Variants in MC2R observed in about 807,000 individuals in gnomAD.
MC2R encodes melanocortin 2 receptor.
In MC2R, 9 loss-of-function variants were observed where a neutral mutation model predicts 9.8. That is an observed-to-expected ratio of 0.92 (90% confidence interval 0.55 to 1.60). The LOEUF (loss-of-function observed/expected upper bound fraction) is 1.60, where lower values mean the gene tolerates loss of function less well. MC2R is among the 40% of genes most tolerant of loss of function. The pLI, the probability that MC2R is intolerant of heterozygous loss-of-function variation, is 0.00. For missense variants in MC2R, 370 were observed against 389.0 expected, an observed-to-expected ratio of 0.95 and a Z score of 0.41; for synonymous variants, 185 against 154.7, an observed-to-expected ratio of 1.20 and a Z score of -1.45.
chr18:13,908,706 T>TTGTGTGTGTGTG (rs57512236), intron 1 of MC2R, among the ~76,000 whole-genome samples: 1 of 142,676 alleles, frequency 7.0e-6, no homozygotes, highest in South Asian at 2.2e-4. Context: ...CAGGAGCTTC[T>TTGTGTGTGTGTG]TGTGTGTGTG....
intron 1 of MC2R, among the ~76,000 whole-genome samples, chr18:13,893,817 C>T (rs2149138049): frequency 6.6e-6 from 1 of 152,274 alleles, no homozygotes; most frequent in Admixed American, 6.5e-5. Flanking sequence ...CGTGGAGAGG[C>T]TGAGTCTGCA....
rs576956670 is a variant in MC2R, at chr18:13,900,044, A to C, written c.-128-14398T>G. 3.3e-5 allele frequency among the ~76,000 whole-genome samples: 5 copies of C among 152,286 alleles called. No individual in the cohort carries two copies. The East Asian group carries it at 9.6e-4, about 29-fold the overall frequency. Reference sequence around the variant, plus strand: ...GCAATCAATAAAATATAATAACTACAACAAATTTTCAAGATATGGACAGTA... The same window carrying C: ...GCAATCAATAAAATATAATAACTACCACAAATTTTCAAGATATGGACAGTA... On this transcript the variant is annotated intron_variant, in intron 1 of 1. Coordinates refer to ENST00000327606, the MANE Select transcript of MC2R (RefSeq NM_000529.2).
At chr18:13,898,646 C>T (rs1286513346) in intron 1 of MC2R, among the ~76,000 whole-genome samples, 2 of 152,230 alleles carry the variant, frequency 1.3e-5, no homozygotes, top group South Asian at 2.1e-4. Flanking sequence ...CGTCACTCCA[C>T]CCCCAGATTT....
intron 1 of MC2R, among the ~76,000 whole-genome samples, chr18:13,913,507 G>A (rs12456757): frequency 0.52 from 79,652 of 152,006 alleles, 22,054 homozygotes; most frequent in African/African-American, 0.71. Context: ...CTTGGCACAC[G>A]CATATTTTGA....
intron 1 of MC2R, among the ~76,000 whole-genome samples, chr18:13,892,843 CACACCA>C (rs1469665203): frequency 6.5e-5 from 9 of 139,158 alleles, no homozygotes; most frequent in South Asian, 2.4e-4. Flanking sequence ...CACACACACA[CACACCA>C]CACACACACA....
intron 1 of MC2R, among the ~76,000 whole-genome samples, chr18:13,889,787 G>T (rs376857784): frequency 6.6e-6 from 1 of 152,164 alleles, no homozygotes; most frequent in African/African-American, 2.4e-5. Flanking sequence ...AGCTGGTCTT[G>T]TGTCCTGTGC....
chr18:13,891,191 T>A (rs1401473239), intron 1 of MC2R, among the ~76,000 whole-genome samples: 3 of 152,178 alleles, frequency 2.0e-5, no homozygotes. Flanking sequence ...ATATTGTATA[T>A]CATGTCTGTA....
intron 1 of MC2R, among the ~76,000 whole-genome samples, chr18:13,904,218 C>CAA (rs71174201): frequency 2.0e-3 from 289 of 144,338 alleles, no homozygotes; most frequent in South Asian, 3.3e-3. Flanking sequence ...ACTAAAAATA[C>CAA]AAAAAAAAAA....
At chr18:13,906,646 C>A (rs995101326) in intron 1 of MC2R, among the ~76,000 whole-genome samples, 27 of 152,174 alleles carry the variant, frequency 1.8e-4, no homozygotes, top group African/African-American at 6.3e-4. Flanking sequence ...TTAGACTCCA[C>A]CAGAAAACTG....
In MC2R at chr18:13,885,499, G is replaced by C; in HGVS notation, c.20C>G (p.Ser7Trp). The C allele has an allele frequency of 6.2e-7, 1 of 1,614,134 alleles. No homozygotes were observed. Among genetic ancestry groups the C allele is most frequent in the Non-Finnish European group, 8.5e-7 (1 of 1,180,038 alleles). ...TGCTGTGTTGTTGATGTTTTCATACGAGTTGATAATGTGCTTCATTTCTCC... is the reference window on the plus strand; with the variant it reads ...TGCTGTGTTGTTGATGTTTTCATACCAGTTGATAATGTGCTTCATTTCTCC... MKHIIN[S>W]YENINNTARN... Residue 7 changes from serine to tryptophan, a missense_variant, in exon 2 of 2, where the codon TCG becomes TGG. Ser to Trp is a radical substitution (Grantham distance 177). Transcript: ENST00000327606.
intron 1 of MC2R, among the ~76,000 whole-genome samples, chr18:13,912,872 G>A (rs935705266): frequency 5.9e-5 from 9 of 152,044 alleles, no homozygotes; most frequent in African/African-American, 1.9e-4. Flanking sequence ...TTTGAATTCC[G>A]CATAGGCTCA....
intron 1 of MC2R, among the ~76,000 whole-genome samples, chr18:13,911,343 T>C (rs1267571330): frequency 6.6e-6 from 1 of 152,204 alleles, no homozygotes; most frequent in Non-Finnish European, 1.5e-5. Context: ...AATTCTTCCC[T>C]GCACAGTCCC....
chr18:13,908,706 T>TTTGTGTG (rs374040158), intron 1 of MC2R, among the ~76,000 whole-genome samples: 22,219 of 142,602 alleles, frequency 0.16, 1,968 homozygotes, highest in Middle Eastern at 0.28. Context: ...CAGGAGCTTC[T>TTTGTGTG]TGTGTGTGTG....
At chr18:13,903,419 T>C (rs1333825265) in intron 1 of MC2R, among the ~76,000 whole-genome samples, 2 of 152,202 alleles carry the variant, frequency 1.3e-5, no homozygotes, top group Admixed American at 6.5e-5. Context: ...CTGTTTACAA[T>C]AGCTAAGATT....
chr18:13,898,357 C>A (rs1228919250), intron 1 of MC2R, among the ~76,000 whole-genome samples: 1 of 152,174 alleles, frequency 6.6e-6, no homozygotes, highest in African/African-American at 2.4e-5. Context: ...CAGCCACAGA[C>A]AATAGAACAC....
intron 1 of MC2R, 28 bp from the exon 2 acceptor site, chr18:13,885,674 T>C (rs2045272005): frequency 3.8e-6 from 3 of 790,776 alleles, no homozygotes; most frequent in Non-Finnish European, 6.2e-6. Context: ...GAAATATTAG[T>C]TGCAAAGTAC....
intron 1 of MC2R, among the ~76,000 whole-genome samples, chr18:13,889,343 T>TGAGAAAG (rs2045299463): frequency 1.3e-5 from 2 of 152,194 alleles, no homozygotes; most frequent in Middle Eastern, 3.4e-3. Flanking sequence ...GGGTGGTGGA[T>TGAGAAAG]GAGAAAGGAG....
chr18:13,890,045 T>TA (rs2045306639), intron 1 of MC2R, among the ~76,000 whole-genome samples: 2 of 152,166 alleles, frequency 1.3e-5, no homozygotes, highest in Non-Finnish European at 2.9e-5. Flanking sequence ...ATGGCTTTAG[T>TA]AAAAAAATGA....
In MC2R at chr18:13,912,458, G is replaced by C. The variant is rs55697357; in HGVS notation, c.-129+3030C>G. 6.2e-3 allele frequency among the ~76,000 whole-genome samples: 942 copies of C among 152,290 alleles called. 14 individuals are homozygous for C. The highest frequency in any genetic ancestry group is 0.021 in the African/African-American group (892 of 41,554). On this transcript the variant is annotated intron_variant, in intron 1 of 1. Transcript: ENST00000327606. Reference sequence around the variant, plus strand: ...GCAGGACAAGCCTAGCTCTGAAACAGGTATGGGTAGGAGGACCGGGTCAGG... The same window carrying C: ...GCAGGACAAGCCTAGCTCTGAAACACGTATGGGTAGGAGGACCGGGTCAGG...
Sources: allele counts gnomAD v4.1 joint callset (sites outside exome capture counted in the v4.1 genomes callset), GRCh38; gene constraint gnomAD v4.1.1; transcripts MANE v1.5; gene names NCBI Gene and HGNC (gene_info 2026-07-23, HGNC 2026-07-21).